Variants in HSPE1 observed in about 807,000 individuals in gnomAD.
HSPE1 encodes the protein heat shock protein family E (Hsp10) member 1, also known as 10 kDa heat shock protein, mitochondrial.
In HSPE1, 1 loss-of-function variant was observed where a neutral mutation model predicts 13.2. The ratio of observed to expected loss-of-function variants is 0.08; its 90% confidence interval spans 0.03 to 0.36. The LOEUF (loss-of-function observed/expected upper bound fraction) is 0.36, where lower values mean the gene tolerates loss of function less well. Among genes scored for constraint, HSPE1 ranks in the 10% least tolerant of loss-of-function variants. The pLI, the probability that HSPE1 is intolerant of heterozygous loss-of-function variation, is 0.99. For synonymous variants in HSPE1, 44 were observed against 42.0 expected (o/e 1.05, Z -0.19); for missense variants, 73 against 118.7 (o/e 0.62, Z 1.79).
intron 2 of HSPE1, among the ~76,000 whole-genome samples, chr2:197,501,875 G>A (rs746636254): frequency 2.6e-5 from 4 of 152,080 alleles, no homozygotes; most frequent in Non-Finnish European, 5.9e-5. Flanking sequence ...TGTGCGTGGT[G>A]GCTCACACCT....
At chr2:197,502,366 C>G (rs2086267409) in intron 2 of HSPE1, among the ~76,000 whole-genome samples, 1 of 152,174 alleles carries the variant, frequency 6.6e-6, no homozygotes, top group Non-Finnish European at 1.5e-5. Flanking sequence ...TTAGATGTTC[C>G]TCAGTTAATT....
intron 1 of HSPE1, 185 bp downstream of exon 1, chr2:197,500,624 G>C: frequency 1.2e-6 from 1 of 859,356 alleles, no homozygotes; most frequent in Admixed American, 2.5e-5. Context: ...CTCTTTGCAC[G>C]CGCGTGTGCT....
At chr2:197,500,958 A>G in intron 1 of HSPE1, 116 bp from the exon 2 acceptor site, 4 of 1,185,566 alleles carry the variant, frequency 3.4e-6, no homozygotes, top group Non-Finnish European at 4.8e-6. Flanking sequence ...GAATAAGCTG[A>G]GGTTTGGTGT....
chr2:197,501,406 T>C, intron 2 of HSPE1, 168 bp downstream of exon 2: 1 of 780,904 alleles, frequency 1.3e-6, no homozygotes, highest in African/African-American at 1.8e-5. Context: ...TAATATAAAG[T>C]TGCTTATTTT....
At position 197,501,064 on chromosome 2, in the gene HSPE1, C is replaced by A; in HGVS notation, c.4-10C>A. 2 of 1,602,446 alleles carry A rather than the reference C, an allele frequency of 1.2e-6. No homozygotes were observed. The highest frequency in any genetic ancestry group is 1.7e-6 in the Non-Finnish European group (2 of 1,173,800). ...TTAGTTTTTGTTTCAAAACATTTCT[C>A]TTCCTACAGGCAGGACAAGCGTTTA... On this transcript the variant is annotated splice_polypyrimidine_tract_variant and intron_variant, in intron 1 of 3. Transcript: ENST00000233893.
chr2:197,500,602 T>C, intron 1 of HSPE1, 163 bp downstream of exon 1: 1 of 1,087,562 alleles, frequency 9.2e-7, no homozygotes, highest in Non-Finnish European at 1.3e-6. Context: ...CCGACCCTTT[T>C]CTCCCCCAGG....
At chr2:197,500,663 C>T (rs1183810026) in intron 1 of HSPE1, 4 of 651,560 alleles carry the variant, frequency 6.1e-6, no homozygotes, top group Non-Finnish European at 7.9e-6. Flanking sequence ...GGGGCGAGAA[C>T]CCGGGCGCAC....
Position 197,503,053 on chromosome 2 carries a change from A to C in HSPE1, c.183A>C (p.Gln61His). ...CCTTTTTTAAGGGTGGAGAGATTCA[A>C]CCAGTTAGCGTGAAAGTTGGAGATA... Reference protein sequence around the residue: ...SGSKGKGGEIQPVSVKVGDKV... With the variant: ...SGSKGKGGEIHPVSVKVGDKV... Residue 61 changes from glutamine (Q) to histidine (H), a missense_variant, in exon 3 of 4, where the codon CAA (glutamine) becomes CAC (histidine). Physicochemically the swap from Gln to His is conservative, Grantham distance 24 (BLOSUM62 0). Transcript: ENST00000233893. The C allele has an allele frequency of 3.1e-6, 5 of 1,599,786 alleles. No homozygotes were observed. The highest frequency in any genetic ancestry group is 4.3e-6 in the Non-Finnish European group (5 of 1,171,896).
At position 197,501,197 on chromosome 2, in the gene HSPE1, C is replaced by G. The variant is rs893086607; in HGVS notation, c.127C>G (p.Gln43Glu). 1.2e-6 allele frequency: 2 copies of G among 1,613,818 alleles called. No homozygotes were observed. Among genetic ancestry groups the G allele is most frequent in the Non-Finnish European group, 1.7e-6 (2 of 1,179,876 alleles). The change falls in exon 2 of 4, where the codon CAA (glutamine) becomes GAA (glutamate). Residue 43 changes from glutamine (Q) to glutamate (E), a missense_variant. Physicochemically the swap from Gln to Glu is conservative, Grantham distance 29 (BLOSUM62 2). Transcript: ENST00000233893. ...LPEKSQGKVL[Q>E]ATVVAVGSGS... ...AGAAAAATCTCAAGGAAAAGTATTG[C>G]AAGCAACAGTAGTCGCTGTTGGATC...
chr2:197,501,998 T>C (rs370209747), intron 2 of HSPE1, among the ~76,000 whole-genome samples: 48 of 152,204 alleles, frequency 3.2e-4, no homozygotes, highest in East Asian at 1.9e-3. Flanking sequence ...GTCTACAAAA[T>C]AAATAAATAC....
chr2:197,501,084 C>G lies in HSPE1; in HGVS notation c.14C>G (p.Ala5Gly). The G allele has an allele frequency of 2.5e-6, 4 of 1,613,132 alleles. No individual in the cohort carries two copies. Among genetic ancestry groups the G allele is most frequent in the Non-Finnish European group, 3.4e-6 (4 of 1,179,620 alleles). The stretch of plus-strand genomic sequence containing the variant: ...TTTCTCTTCCTACAGGCAGGACAAG[C>G]GTTTAGAAAGTTTCTTCCACTCTTT... Reference protein sequence around the residue: MAGQAFRKFLPLFDR... With the variant: MAGQGFRKFLPLFDR... The change falls in exon 2 of 4, where the codon GCG (alanine) becomes GGG (glycine). Residue 5 changes from alanine (A) to glycine (G), a missense_variant. By Grantham distance (60) the Ala-to-Gly change is moderately conservative. Coordinates refer to ENST00000233893, the MANE Select transcript of HSPE1 (RefSeq NM_002157.3).
rs2086237928 is a variant in HSPE1, at chr2:197,500,544, CCACT to C, written c.3+108_3+111del. On this transcript the variant is annotated intron_variant, in intron 1 of 3. Coordinates refer to ENST00000233893, the MANE Select transcript of HSPE1 (RefSeq NM_002157.3). ...TGGGCTGGGCGGGAGGGATTGGTGG[CCACT>C]CAGTGACCAGCGCCCGATGGCACCT... is the stretch of plus-strand genomic sequence containing the variant. 12 of 1,468,430 alleles carry C rather than the reference CCACT, an allele frequency of 8.2e-6. No individual in the cohort carries two copies. In the South Asian group the frequency reaches 1.5e-4, roughly 18 times the overall value. 91.0% of individuals were successfully genotyped at this position (1,468,430 alleles called of 1,614,324 possible).
intron 1 of HSPE1, 32 bp from the exon 2 acceptor site, chr2:197,501,042 G>A: frequency 6.2e-7 from 1 of 1,607,540 alleles, no homozygotes; most frequent in Non-Finnish European, 8.5e-7. Context: ...ATTACATTTA[G>A]TTTTTGTTTC....
intron 1 of HSPE1, chr2:197,500,709 G>A: frequency 1.7e-6 from 1 of 602,420 alleles, no homozygotes. Context: ...GGGCCTTTGT[G>A]GATGTGTAAT....
At chr2:197,501,330 G>C (rs1471666817) in intron 2 of HSPE1, 92 bp downstream of exon 2, 7 of 1,379,966 alleles carry the variant, frequency 5.1e-6, no homozygotes, top group Admixed American at 2.7e-5. Flanking sequence ...TTATTAAGTA[G>C]AGTTTATGTC....
At chr2:197,500,730 A>G in intron 1 of HSPE1, 2 of 590,496 alleles carry the variant, frequency 3.4e-6, no homozygotes, top group South Asian at 4.2e-5. Context: ...ATCTTGGGTA[A>G]AAATCATGGT....
intron 1 of HSPE1, 187 bp from the exon 2 acceptor site, chr2:197,500,887 G>GTA (rs1255747481): frequency 1.4e-6 from 1 of 700,298 alleles, no homozygotes; most frequent in Non-Finnish European, 2.4e-6. Context: ...CCTAACAGAC[G>GTA]TAAGGAATCG....
chr2:197,503,066 A>G lies in HSPE1; in HGVS notation c.196A>G (p.Lys66Glu). 6.2e-7 allele frequency: 1 copy of G among 1,606,488 alleles called. No homozygotes were observed. Among genetic ancestry groups the G allele is most frequent in the Non-Finnish European group, 8.5e-7 (1 of 1,176,454 alleles). ...KGGEIQPVSV[K>E]VGDKVLLPEY... is the part of the protein sequence containing the mutation. ...TGGAGAGATTCAACCAGTTAGCGTG[A>G]AAGTTGGAGATAAAGTTCTTCTCCC... The change falls in exon 3 of 4, where the codon AAA (lysine) becomes GAA (glutamate). Residue 66 changes from lysine (K) to glutamate (E), a missense_variant. Physicochemically the swap from Lys to Glu is moderately conservative, Grantham distance 56. Coordinates refer to ENST00000233893, the MANE Select transcript of HSPE1 (RefSeq NM_002157.3).
rs1466988146 is a variant in HSPE1 at position 197,501,059 on chromosome 2, TTTCTC to T, written c.4-11_4-7del. 4 of 1,604,586 alleles carry T rather than the reference TTTCTC, an allele frequency of 2.5e-6. No individual in the cohort carries two copies. Among genetic ancestry groups the T allele is most frequent in the Non-Finnish European group, 2.6e-6 (3 of 1,174,410 alleles). ...TACATTTAGTTTTTGTTTCAAAACATTTCTCTTCCTACAGGCAGGACAAGCGTTTA... is the reference window on the plus strand; with the variant it reads ...TACATTTAGTTTTTGTTTCAAAACATTTCCTACAGGCAGGACAAGCGTTTA... On this transcript the variant is annotated splice_polypyrimidine_tract_variant and intron_variant, in intron 1 of 3. Coordinates refer to ENST00000233893, the MANE Select transcript of HSPE1 (RefSeq NM_002157.3).
Sources: allele counts gnomAD v4.1 joint callset (sites outside exome capture counted in the v4.1 genomes callset), GRCh38; gene constraint gnomAD v4.1.1; transcripts MANE v1.5; gene names NCBI Gene and HGNC (gene_info 2026-07-23, HGNC 2026-07-21).